Variants in UBAC2 observed in about 807,000 individuals in gnomAD.
UBAC2 encodes the protein UBA domain containing 2.
In UBAC2, 26 loss-of-function variants were observed where a neutral mutation model predicts 44.0. The observed-to-expected ratio is 0.59, with a 90% CI of 0.43 to 0.82. UBAC2 has a LOEUF of 0.82. UBAC2 is among the 40% of genes least tolerant of loss of function. The pLI, the probability that UBAC2 is intolerant of heterozygous loss-of-function variation, is 0.00. For missense variants in UBAC2, 329 were observed against 419.4 expected (o/e 0.78, Z 1.88); for synonymous variants, 155 against 154.3 (o/e 1.00, Z -0.04).
At chr13:99,374,367 G>A (rs536212243) in intron 8 of UBAC2, among the ~76,000 whole-genome samples, 3 of 152,244 alleles carry the variant, frequency 2.0e-5, no homozygotes, top group South Asian at 4.2e-4. Flanking sequence ...GTGGCATTTA[G>A]CATGAGTGAC....
intron 4 of UBAC2, among the ~76,000 whole-genome samples, chr13:99,251,832 G>A (rs1775611779): frequency 6.6e-6 from 1 of 152,248 alleles, no homozygotes; most frequent in African/African-American, 2.4e-5. Flanking sequence ...ACCCTCACAT[G>A]TCAACTGTGG....
intron 4 of UBAC2, among the ~76,000 whole-genome samples, chr13:99,290,388 G>T (rs2044073842): frequency 1.3e-5 from 2 of 152,158 alleles, no homozygotes; most frequent in African/African-American, 2.4e-5. Flanking sequence ...GTAATTAGGT[G>T]TGCCAAGGCC....
At chr13:99,219,075 C>G (rs1417734492) in intron 1 of UBAC2, among the ~76,000 whole-genome samples, 2 of 152,140 alleles carry the variant, frequency 1.3e-5, no homozygotes, top group Non-Finnish European at 2.9e-5. Context: ...GAGAAGTTTA[C>G]CAAATAGTTA....
chr13:99,368,808 G>T (rs2045368452), intron 8 of UBAC2, among the ~76,000 whole-genome samples: 1 of 151,730 alleles, frequency 6.6e-6, no homozygotes, highest in Non-Finnish European at 1.5e-5. Flanking sequence ...CCCAGATCTG[G>T]TTTCTAAACA....
intron 8 of UBAC2, among the ~76,000 whole-genome samples, chr13:99,384,104 C>G (rs1245820673): frequency 1.4e-5 from 2 of 143,586 alleles, no homozygotes; most frequent in African/African-American, 2.5e-5. Context: ...CCCACTGAGT[C>G]CCCTGAGCAG....
chr13:99,287,993 A>AT (rs965976478), intron 4 of UBAC2, among the ~76,000 whole-genome samples: 1 of 152,124 alleles, frequency 6.6e-6, no homozygotes, highest in Non-Finnish European at 1.5e-5. Context: ...AACCTTATAC[A>AT]TTTTTACTAT....
chr13:99,321,300 A>G (rs1201241485), intron 6 of UBAC2, among the ~76,000 whole-genome samples: 1 of 152,032 alleles, frequency 6.6e-6, no homozygotes, highest in African/African-American at 2.4e-5. Context: ...TGGTTGATTT[A>G]TTTTGTTTAG....
At chr13:99,316,906 A>G (rs2044499634) in intron 5 of UBAC2, among the ~76,000 whole-genome samples, 1 of 152,202 alleles carries the variant, frequency 6.6e-6, no homozygotes, top group African/African-American at 2.4e-5. Flanking sequence ...ACACATAGAA[A>G]GTGTTAGCTA....
chr13:99,341,418 A>G (rs201628121), intron 7 of UBAC2, among the ~76,000 whole-genome samples: 8 of 146,106 alleles, frequency 5.5e-5, no homozygotes, highest in Admixed American at 1.4e-4. Flanking sequence ...AGTTTATATC[A>G]GGGGGGGGGA....
intron 1 of UBAC2, among the ~76,000 whole-genome samples, chr13:99,216,082 T>TGTGTGTGTGTGTGTG (rs1566450747): frequency 1.3e-5 from 2 of 148,740 alleles, no homozygotes; most frequent in African/African-American, 5.0e-5. Context: ...CAACCTATAT[T>TGTGTGTGTGTGTGTG]TGTGTGTGTG....
chr13:99,351,729 C>T, intron 7 of UBAC2: 2 of 456,720 alleles, frequency 4.4e-6, no homozygotes, highest in Non-Finnish European at 8.8e-6. Flanking sequence ...TAAGGTGAAG[C>T]CCAGTGTGAA....
intron 8 of UBAC2, among the ~76,000 whole-genome samples, chr13:99,375,285 G>C (rs141333448): frequency 1.3e-5 from 2 of 151,986 alleles, no homozygotes; most frequent in East Asian, 1.9e-4. Context: ...GTGAAAGGAG[G>C]GGGGATCTGC....
chr13:99,261,406 G>A (rs1384602895), intron 4 of UBAC2, among the ~76,000 whole-genome samples: 1 of 152,164 alleles, frequency 6.6e-6, no homozygotes, highest in Admixed American at 6.5e-5. Context: ...AAGAGTTTCT[G>A]CATAAAGAAG....
At chr13:99,339,977 A>G (rs2044859015) in intron 6 of UBAC2, among the ~76,000 whole-genome samples, 1 of 152,276 alleles carries the variant, frequency 6.6e-6, no homozygotes, top group South Asian at 2.1e-4. Flanking sequence ...CAGAGTCAGT[A>G]CAGTGTGAAA....
intron 8 of UBAC2, among the ~76,000 whole-genome samples, chr13:99,382,533 A>T (rs1289358741): frequency 6.6e-6 from 1 of 152,184 alleles, no homozygotes; most frequent in Non-Finnish European, 1.5e-5. Context: ...TGCCCTGGTG[A>T]GACCACACCC....
chr13:99,336,819 C>A (rs2044795200), intron 6 of UBAC2, among the ~76,000 whole-genome samples: 1 of 152,194 alleles, frequency 6.6e-6, no homozygotes, highest in Non-Finnish European at 1.5e-5. Context: ...TGTCACAAAG[C>A]CTTGCAAATC....
chr13:99,259,677 C>T (rs970557537), intron 4 of UBAC2, among the ~76,000 whole-genome samples: 5 of 152,192 alleles, frequency 3.3e-5, no homozygotes, highest in Non-Finnish European at 7.3e-5. Context: ...TGTTATATTT[C>T]ATTCATCACA....
chr13:99,246,850 G>C (rs2043389740), intron 4 of UBAC2, among the ~76,000 whole-genome samples: 1 of 152,164 alleles, frequency 6.6e-6, no homozygotes, highest in African/African-American at 2.4e-5. Flanking sequence ...TCTCCTGAAT[G>C]AAAATATATT....
intron 8 of UBAC2, among the ~76,000 whole-genome samples, chr13:99,370,136 C>T (rs1382201324): frequency 6.6e-6 from 1 of 152,096 alleles, no homozygotes; most frequent in Non-Finnish European, 1.5e-5. Flanking sequence ...TGGTACATAC[C>T]GACCGTGGTT....
Sources: gnomAD v4.1 joint callset for allele counts (sites outside exome capture counted in the v4.1 genomes callset) on GRCh38, gnomAD v4.1.1 for gene constraint, MANE v1.5 for transcripts, NCBI Gene and HGNC (gene_info 2026-07-23, HGNC 2026-07-21) for gene names.